ZNF385D: variants seen among roughly 807,000 people sequenced by gnomAD.
The protein encoded by ZNF385D is zinc finger protein 659.
ZNF385D carries 15 observed loss-of-function variants against 35.8 expected under a neutral mutation model. That is an observed-to-expected ratio of 0.42 (90% CI 0.28 to 0.64). ZNF385D has a LOEUF of 0.64. ZNF385D is among the 30% of genes least tolerant of loss of function. ZNF385D has a pLI of 0.23. For missense variants in ZNF385D, 474 were observed against 494.6 expected (o/e 0.96, Z 0.39); for synonymous variants, 212 against 186.8 (o/e 1.13, Z -1.10).
At chr3:21,592,433 A>G (rs1407505110) in intron 2 of ZNF385D, among the ~76,000 whole-genome samples, 1 of 151,928 alleles carries the variant, frequency 6.6e-6, no homozygotes, top group East Asian at 1.9e-4. Flanking sequence ...ATTGCTACAG[A>G]TGGCAATATA....
chr3:22,188,577 G>C (rs968730365), intron 2 of ZNF385D, among the ~76,000 whole-genome samples: 1 of 151,956 alleles, frequency 6.6e-6, no homozygotes, highest in Non-Finnish European at 1.5e-5. Flanking sequence ...AGCCTCCCGA[G>C]TAGCTGGGAC....
intron 1 of ZNF385D, among the ~76,000 whole-genome samples, chr3:21,670,143 A>G (rs2066519735): frequency 6.6e-6 from 1 of 152,154 alleles, no homozygotes; most frequent in African/African-American, 2.4e-5. Context: ...AAACATATAT[A>G]TATTGATAGA....
intron 2 of ZNF385D, among the ~76,000 whole-genome samples, chr3:21,602,517 CTTTTTTT>C (rs746138066): frequency 0.052 from 3,221 of 62,492 alleles, 80 homozygotes; most frequent in Non-Finnish European, 0.069. Flanking sequence ...CCTGCATTTT[CTTTTTTT>C]TTTTTTTTTT....
At chr3:22,112,806 T>A (rs1054407373) in intron 3 of ZNF385D, among the ~76,000 whole-genome samples, 1 of 152,010 alleles carries the variant, frequency 6.6e-6, no homozygotes, top group African/African-American at 2.4e-5. Context: ...TTAAGCCTGT[T>A]TTACTCAGGG....
intron 3 of ZNF385D, among the ~76,000 whole-genome samples, chr3:22,072,343 TA>T (rs5847158): frequency 0.58 from 87,214 of 151,388 alleles, 27,018 homozygotes; most frequent in African/African-American, 0.81. Flanking sequence ...AACGGAAAAA[TA>T]AAAAAAAATG....
intron 2 of ZNF385D, among the ~76,000 whole-genome samples, chr3:22,269,197 C>T (rs1468014116): frequency 2.0e-5 from 3 of 151,820 alleles, no homozygotes; most frequent in East Asian, 3.9e-4. Flanking sequence ...TCTTATATCC[C>T]CAGCACTAAT....
chr3:22,354,108 G>A (rs1028403570), intron 2 of ZNF385D, among the ~76,000 whole-genome samples: 2 of 151,950 alleles, frequency 1.3e-5, no homozygotes, highest in Admixed American at 6.6e-5. Context: ...CATCCCCTCT[G>A]CTGAATGTGG....
intron 3 of ZNF385D, among the ~76,000 whole-genome samples, chr3:21,895,428 G>A (rs370297115): frequency 2.8e-5 from 4 of 144,106 alleles, no homozygotes; most frequent in South Asian, 4.7e-4. Flanking sequence ...CTGGGTTCAA[G>A]TGATTCTCCT....
intron 3 of ZNF385D, among the ~76,000 whole-genome samples, chr3:21,528,107 A>G (rs1349135765): frequency 6.6e-6 from 1 of 152,162 alleles, no homozygotes; most frequent in Non-Finnish European, 1.5e-5. Flanking sequence ...TCCAAAGTTC[A>G]TTGCACCATG....
At chr3:21,754,049 A>G (rs141101228), upstream of ZNF385D, among the ~76,000 whole-genome samples, 764 of 152,342 alleles carry the variant, frequency 5.0e-3, 9 homozygotes, top group African/African-American at 0.017. Context: ...ATAGTATTCC[A>G]TTATGTATAT....
intron 4 of ZNF385D, among the ~76,000 whole-genome samples, chr3:21,486,674 AT>A (rs1424014187): frequency 2.0e-5 from 3 of 152,164 alleles, no homozygotes; most frequent in Non-Finnish European, 2.9e-5. Flanking sequence ...GAATCTGGGC[AT>A]TGGGACAGAC....
At chr3:22,336,062 A>C (rs1208054760) in intron 2 of ZNF385D, among the ~76,000 whole-genome samples, 1 of 144,264 alleles carries the variant, frequency 6.9e-6, no homozygotes, top group Non-Finnish European at 1.6e-5. Flanking sequence ...TAAATATACT[A>C]AACTACTGAT....
intron 3 of ZNF385D, among the ~76,000 whole-genome samples, chr3:21,902,947 T>G (rs1699485626): frequency 6.6e-6 from 1 of 152,190 alleles, no homozygotes; most frequent in Non-Finnish European, 1.5e-5. Context: ...TTGTTCTTTA[T>G]CTAACCTCAT....
chr3:21,840,785 T>A (rs1250239808), intron 3 of ZNF385D, among the ~76,000 whole-genome samples: 1 of 151,822 alleles, frequency 6.6e-6, no homozygotes, highest in Non-Finnish European at 1.5e-5. Flanking sequence ...TCAAAAAAGT[T>A]TGATAAATTA....
intron 3 of ZNF385D, among the ~76,000 whole-genome samples, chr3:21,516,647 G>T (rs1707585285): frequency 6.6e-6 from 1 of 152,100 alleles, no homozygotes; most frequent in African/African-American, 2.4e-5. Flanking sequence ...GCAAAGGATG[G>T]TATTCAAGCC....
chr3:21,956,400 A>T (rs557386000), intron 3 of ZNF385D, among the ~76,000 whole-genome samples: 14 of 150,858 alleles, frequency 9.3e-5, no homozygotes, highest in African/African-American at 3.4e-4. Context: ...TAACGAGAAG[A>T]TAAAGGTATG....
chr3:22,079,611 T>C (rs1001641641), intron 3 of ZNF385D, among the ~76,000 whole-genome samples: 6 of 152,010 alleles, frequency 3.9e-5, no homozygotes, highest in African/African-American at 1.4e-4. Context: ...AATGACAGCA[T>C]CCTACTCTAT....
intron 3 of ZNF385D, among the ~76,000 whole-genome samples, chr3:22,002,212 T>C (rs1455382360): frequency 1.3e-5 from 2 of 150,718 alleles, no homozygotes; most frequent in South Asian, 2.1e-4. Flanking sequence ...AACTAACCAA[T>C]ACCAAAAAAG....
chr3:22,038,680 T>G (rs1394555087), intron 3 of ZNF385D, among the ~76,000 whole-genome samples: 1 of 152,042 alleles, frequency 6.6e-6, no homozygotes, highest in Non-Finnish European at 1.5e-5. Flanking sequence ...TTCTTTTGGA[T>G]CTAATAAACA....
Sources: gnomAD v4.1 joint callset for allele counts (sites outside exome capture counted in the v4.1 genomes callset) on GRCh38, gnomAD v4.1.1 for gene constraint, MANE v1.5 for transcripts, NCBI Gene and HGNC (gene_info 2026-07-23, HGNC 2026-07-21) for gene names.